The following COL14A1 variants were observed in gnomAD, a reference collection of about 807,000 sequenced individuals.
COL14A1 encodes collagen type XIV alpha 1 chain.
Under a neutral mutation model 230.3 loss-of-function variants are expected in COL14A1, and 136 were observed. That is an observed-to-expected ratio of 0.59 (90% CI 0.51 to 0.68). The LOEUF is 0.68. COL14A1 is among the 30% of genes least tolerant of loss of function. The pLI, the probability that COL14A1 is intolerant of heterozygous loss-of-function variation, is 0.00. For synonymous variants in COL14A1, 792 were observed against 784.1 expected (o/e 1.01, Z -0.17); for missense variants, 1,976 against 2,215.8 (o/e 0.89, Z 2.17).
At chr8:120,214,844 TA>T (rs1247769175) in intron 13 of COL14A1, among the ~76,000 whole-genome samples, 1 of 152,002 alleles carries the variant, frequency 6.6e-6, no homozygotes, top group Non-Finnish European at 1.5e-5. Context: ...AAGATGATCA[TA>T]GAAAGCTTCA....
At chr8:120,292,986 A>G (rs1820419021) in intron 34 of COL14A1, among the ~76,000 whole-genome samples, 1 of 152,128 alleles carries the variant, frequency 6.6e-6, no homozygotes, top group Admixed American at 6.5e-5. Flanking sequence ...CCTAACAAGC[A>G]GGCTTAACTT....
chr8:120,214,882 C>T (rs139774041), intron 13 of COL14A1, among the ~76,000 whole-genome samples: 16 of 152,120 alleles, frequency 1.1e-4, no homozygotes, highest in Non-Finnish European at 1.9e-4. Flanking sequence ...TGGTCAGAAA[C>T]CTGAAAGAGG....
chr8:120,263,811 C>G (rs112591549), intron 24 of COL14A1, among the ~76,000 whole-genome samples: 1 of 152,064 alleles, frequency 6.6e-6, no homozygotes, highest in African/African-American at 2.4e-5. Context: ...GCTCTTCCAG[C>G]CTCTCTGGCA....
At chr8:120,241,708 T>C (rs1242860557) in intron 19 of COL14A1, among the ~76,000 whole-genome samples, 1 of 151,998 alleles carries the variant, frequency 6.6e-6, no homozygotes, top group Non-Finnish European at 1.5e-5. Context: ...CTCTTGAAAA[T>C]GAATATCAAT....
rs898744158 is a variant in COL14A1, at chr8:120,196,417, C to T, written c.437-374C>T. Among the ~76,000 whole-genome samples the T allele has an allele frequency of 2.0e-5, 3 of 152,192 alleles. No individual in the cohort carries two copies. In the South Asian group the frequency reaches 6.2e-4, roughly 31 times the overall value. ...AGCCGTCTTTTTGCCTCCTGGCCGT[C>T]TTCCCATCTCGGCTGACTGGCACAC... On this transcript the variant is annotated intron_variant, in intron 5 of 47. Coordinates refer to ENST00000297848, the MANE Select transcript of COL14A1 (RefSeq NM_021110.4).
At chr8:120,359,298 C>G (rs1348741759) in intron 45 of COL14A1, among the ~76,000 whole-genome samples, 1 of 150,354 alleles carries the variant, frequency 6.7e-6, no homozygotes. Flanking sequence ...CATTATTCAA[C>G]TCCCACTTAT....
In COL14A1 at chr8:120,231,506, A is replaced by G. The variant is rs1348861864; in HGVS notation, c.2237A>G (p.Glu746Gly). 7 of 1,614,022 alleles carry G rather than the reference A, an allele frequency of 4.3e-6. No individual in the cohort carries two copies. Among genetic ancestry groups the G allele is most frequent in the East Asian group, 2.2e-5 (1 of 44,878 alleles). The change falls in exon 19 of 48, where the codon GAA (glutamate) becomes GGA (glycine). Residue 746 changes from glutamate (E) to glycine (G), a missense_variant. Glu to Gly is a moderately conservative substitution (Grantham distance 98). Around this residue, in one of 3 missense-constraint regions of COL14A1, gnomAD observed 1,791 missense variants for 2,019.5 expected, o/e 0.89. Transcript: ENST00000297848. Reference protein sequence around the residue: ...TGIRNLVVGDETTSSLRVKWD... With the variant: ...TGIRNLVVGDGTTSSLRVKWD... ...ATCAGAAACCTAGTTGTAGGTGATG[A>G]AACTACTTCTAGCCTGCGGGTAAAA...
chr8:120,168,300 A>T, intron 5 of COL14A1, 53 bp downstream of exon 5: 1 of 1,275,148 alleles, frequency 7.8e-7, no homozygotes, highest in Non-Finnish European at 1.1e-6. Flanking sequence ...TTTTAATTAC[A>T]CAGGCAATAC....
At chr8:120,245,193 A>G (rs1432288682) in intron 20 of COL14A1, among the ~76,000 whole-genome samples, 1 of 152,140 alleles carries the variant, frequency 6.6e-6, no homozygotes, top group East Asian at 1.9e-4. Flanking sequence ...CCCACTGTCT[A>G]TGATATTATC....
At chr8:120,131,847 T>C (rs1332492371) in intron 1 of COL14A1, among the ~76,000 whole-genome samples, 32 of 131,660 alleles carry the variant, frequency 2.4e-4, no homozygotes, top group African/African-American at 8.3e-4. Flanking sequence ...TCTTTTTTTT[T>C]TTTTTTTTTT....
intron 1 of COL14A1, among the ~76,000 whole-genome samples, chr8:120,140,676 C>T (rs191870483): frequency 2.0e-5 from 3 of 152,118 alleles, no homozygotes; most frequent in Admixed American, 6.5e-5. Flanking sequence ...TTTACGAAAA[C>T]GTTAGGATAA....
chr8:120,166,810 C>T (rs149245158), intron 4 of COL14A1, among the ~76,000 whole-genome samples: 101 of 150,776 alleles, frequency 6.7e-4, no homozygotes, highest in Non-Finnish European at 5.9e-4. Flanking sequence ...GCGAATGAAA[C>T]GGAGTGGTCA....
intron 5 of COL14A1, among the ~76,000 whole-genome samples, chr8:120,168,790 C>T (rs935038902): frequency 1.3e-5 from 2 of 152,056 alleles, no homozygotes; most frequent in South Asian, 4.1e-4. Flanking sequence ...GTTAGTCTAC[C>T]TCATTCTTTT....
At chr8:120,300,361 A>G (rs1820672490) in intron 35 of COL14A1, among the ~76,000 whole-genome samples, 1 of 152,170 alleles carries the variant, frequency 6.6e-6, no homozygotes, top group Non-Finnish European at 1.5e-5. Flanking sequence ...TTTGAAACAG[A>G]AAAATTATTG....
chr8:120,280,066 T>C lies in COL14A1; in HGVS notation c.3613T>C (p.Leu1205=), dbSNP rs1819990214. The C allele has an allele frequency of 1.9e-6, 3 of 1,613,764 alleles. No individual in the cohort carries two copies. The highest frequency in any genetic ancestry group is 1.7e-6 in the Non-Finnish European group (2 of 1,179,782). ...CGCCTTTAAGAAAATCGAAGATGAG[T>C]TAATTACTTTTGTCTGCGAAACAGC... ...FDAFKKIEDE[L]ITFVCETASA... The change falls in exon 29 of 48, where the codon TTA becomes CTA. Residue 1205 remains leucine, a synonymous_variant. Transcript: ENST00000297848.
At chr8:120,371,042 C>A in intron 47 of COL14A1, 110 bp from the exon 48 acceptor site, 1 of 1,088,512 alleles carries the variant, frequency 9.2e-7, no homozygotes, top group Non-Finnish European at 1.3e-6. Context: ...ACATCCACTG[C>A]TTTTTACCCA....
intron 40 of COL14A1, among the ~76,000 whole-genome samples, chr8:120,326,846 C>A (rs1021088838): frequency 1.3e-5 from 2 of 151,908 alleles, no homozygotes; most frequent in East Asian, 1.9e-4. Context: ...GCCAACATGG[C>A]GAAATCCTGT....
chr8:120,283,040 G>A (rs1820087658), intron 31 of COL14A1, among the ~76,000 whole-genome samples: 1 of 152,078 alleles, frequency 6.6e-6, no homozygotes, highest in Non-Finnish European at 1.5e-5. Context: ...TTCCTAGTAA[G>A]GTGGCATGAC....
chr8:120,129,772 A>C (rs1814467206), intron 1 of COL14A1, among the ~76,000 whole-genome samples: 1 of 152,250 alleles, frequency 6.6e-6, no homozygotes, highest in Admixed American at 6.5e-5. Flanking sequence ...CATTGACCCT[A>C]GGCGAAGTGT....
Sources: gnomAD v4.1 joint callset for allele counts (sites outside exome capture counted in the v4.1 genomes callset) on GRCh38, gnomAD v4.1.1 for gene constraint, gnomAD v4.1.1 regional missense constraint, MANE v1.5 for transcripts, NCBI Gene and HGNC (gene_info 2026-07-23, HGNC 2026-07-21) for gene names.